Variants in PSMF1 observed in about 807,000 individuals in gnomAD.
PSMF1 encodes the protein proteasome inhibitor subunit 1, also known as proteasome inhibitor PI31 subunit.
In PSMF1, 30 loss-of-function variants were observed where a neutral mutation model predicts 29.3. The ratio of observed to expected loss-of-function variants is 1.02; its 90% CI spans 0.77 to 1.39. PSMF1 has a LOEUF of 1.39. PSMF1 is among the 40% of genes most tolerant of loss of function. The pLI, the probability that PSMF1 is intolerant of heterozygous loss-of-function variation, is 0.00. For synonymous variants in PSMF1, 134 were observed against 139.7 expected (o/e 0.96, Z 0.29); for missense variants, 344 against 357.5 (o/e 0.96, Z 0.31).
chr20:1,160,196 C>G (rs2086649214), intron 4 of PSMF1, among the ~76,000 whole-genome samples: 1 of 152,152 alleles, frequency 6.6e-6, no homozygotes, highest in Non-Finnish European at 1.5e-5. Flanking sequence ...ACCACCACCA[C>G]TACCCTGCAT....
chr20:1,147,311 A>T (rs938379749), intron 4 of PSMF1, among the ~76,000 whole-genome samples: 1 of 152,132 alleles, frequency 6.6e-6, no homozygotes, highest in South Asian at 2.1e-4. Flanking sequence ...TGGCATCCCC[A>T]CTTTACAGGG....
At chr20:1,134,787 A>T (rs1360409871) in intron 3 of PSMF1, 1 of 387,960 alleles carries the variant, frequency 2.6e-6, no homozygotes, top group Non-Finnish European at 5.0e-6. Flanking sequence ...TGAACACACA[A>T]TGAAGCTGAG....
rs575431529 is a variant in PSMF1 at position 1,143,196 on chromosome 20, A to G, written c.551+7890A>G. ...GAAAGGCAAAGAATCTAAGATAGCT[A>G]TAACAATTTTTTAAAAGAATAAAGT... On this transcript the variant is annotated intron_variant, in intron 4 of 6. Coordinates refer to ENST00000335877, the MANE Select transcript of PSMF1 (RefSeq NM_006814.5). 3.3e-5 allele frequency among the ~76,000 whole-genome samples: 5 copies of G among 152,388 alleles called. No individual in the cohort carries two copies. The South Asian group carries it at 6.2e-4, about 19-fold the overall frequency.
chr20:1,128,786 AGT>A (rs2122481643), intron 3 of PSMF1, among the ~76,000 whole-genome samples: 1 of 152,272 alleles, frequency 6.6e-6, no homozygotes, highest in East Asian at 1.9e-4. Flanking sequence ...GCTGGAGTAC[AGT>A]GTGACTGTTC....
chr20:1,155,625 G>A (rs949097367), intron 4 of PSMF1, among the ~76,000 whole-genome samples: 8 of 152,230 alleles, frequency 5.3e-5, no homozygotes, highest in Non-Finnish European at 1.0e-4. Context: ...ACCTGCAGCT[G>A]TACATAAGTG....
rs545700538 is a variant in PSMF1 at position 1,167,161 on chromosome 20, A to G, written c.*2081A>G. 33 of 152,270 alleles carry G rather than the reference A, an allele frequency of 2.2e-4. No homozygotes were observed. In the East Asian group the frequency reaches 5.0e-3, roughly 23 times the overall value. The allele number at this position is 152,270 out of a possible 1,614,324, so 9.4% of individuals were successfully genotyped here. On this transcript the variant is annotated 3_prime_UTR_variant, in exon 7 of 7. Transcript: ENST00000335877. ...ATGGGAGGAAGTGAATAGAGCCTTT[A>G]GGAACTTCCTGGTCAAGCTTATGGT...
chr20:1,139,989 C>T (rs1006816523), intron 4 of PSMF1, among the ~76,000 whole-genome samples: 11 of 152,146 alleles, frequency 7.2e-5, no homozygotes, highest in Admixed American at 2.6e-4. Flanking sequence ...TCTGTGCTCA[C>T]GGCTAGGAAG....
chr20:1,162,612 C>T (rs1294971744), intron 4 of PSMF1, among the ~76,000 whole-genome samples: 1 of 152,074 alleles, frequency 6.6e-6, no homozygotes, highest in Non-Finnish European at 1.5e-5. Context: ...GGCCCTCCTG[C>T]AGGTACAGTG....
intron 4 of PSMF1, among the ~76,000 whole-genome samples, chr20:1,144,562 G>A (rs147380490): frequency 3.3e-5 from 5 of 152,316 alleles, no homozygotes; most frequent in African/African-American, 7.2e-5. Flanking sequence ...TAAAGGAACC[G>A]TGGTTTATCC....
At chr20:1,156,621 GAA>G (rs2086597780) in intron 4 of PSMF1, among the ~76,000 whole-genome samples, 1 of 152,144 alleles carries the variant, frequency 6.6e-6, no homozygotes, top group South Asian at 2.1e-4. Flanking sequence ...AGTATGGAGA[GAA>G]AAAGAATTGT....
At chr20:1,156,782 A>T (rs913616850) in intron 4 of PSMF1, among the ~76,000 whole-genome samples, 1 of 152,228 alleles carries the variant, frequency 6.6e-6, no homozygotes, top group Non-Finnish European at 1.5e-5. Flanking sequence ...TTCCTCAGAC[A>T]GAATGGAGAT....
At chr20:1,146,708 A>C (rs2086454488) in intron 4 of PSMF1, among the ~76,000 whole-genome samples, 1 of 152,220 alleles carries the variant, frequency 6.6e-6, no homozygotes, top group Admixed American at 6.5e-5. Context: ...AAGAATGATC[A>C]GCTGGGTTCA....
intron 4 of PSMF1, among the ~76,000 whole-genome samples, chr20:1,152,082 T>C (rs751834627): frequency 5.2e-4 from 79 of 152,152 alleles, no homozygotes; most frequent in Non-Finnish European, 1.0e-3. Flanking sequence ...TTTTTTTTTT[T>C]CCTCTTGAAG....
chr20:1,157,199 G>A (rs1358906226), intron 4 of PSMF1, among the ~76,000 whole-genome samples: 1 of 152,174 alleles, frequency 6.6e-6, no homozygotes, highest in East Asian at 1.9e-4. Context: ...TTGTGCCCAC[G>A]AGATTAAGGG....
At chr20:1,122,901 G>A (rs1438423432) in intron 1 of PSMF1, among the ~76,000 whole-genome samples, 2 of 152,204 alleles carry the variant, frequency 1.3e-5, no homozygotes, top group African/African-American at 4.8e-5. Flanking sequence ...AACTCTGGTG[G>A]ATTGAATGCT....
upstream of PSMF1, among the ~76,000 whole-genome samples, chr20:1,113,943 A>G (rs1452385911): frequency 6.6e-6 from 1 of 151,944 alleles, no homozygotes; most frequent in Non-Finnish European, 1.5e-5. Context: ...CGCCCGCCTC[A>G]GCCTCCCAAA....
upstream of PSMF1, chr20:1,117,718 T>TG (rs1300981891): frequency 6.6e-6 from 1 of 152,246 alleles, no homozygotes; most frequent in African/African-American, 2.4e-5. Context: ...AGGAATGGAA[T>TG]GGGGCAGTTC....
At position 1,168,590 on chromosome 20, in the gene PSMF1, T is replaced by C. The variant is rs2086757908; in HGVS notation, c.*3510T>C. On this transcript the variant is annotated 3_prime_UTR_variant, in exon 7 of 7. Coordinates refer to ENST00000335877, the MANE Select transcript of PSMF1 (RefSeq NM_006814.5). ...TGAGACTGAAACTCCAAGAATGTAT[T>C]GTGCTCACAGTGGCGATGGTGTTCC... Among the ~76,000 whole-genome samples, 2 of 152,346 alleles carry C rather than the reference T, an allele frequency of 1.3e-5. No homozygotes were observed. The highest frequency in any genetic ancestry group is 4.8e-5 in the African/African-American group (2 of 41,586).
chr20:1,152,770 A>G (rs1377844798), intron 4 of PSMF1, among the ~76,000 whole-genome samples: 4 of 152,178 alleles, frequency 2.6e-5, no homozygotes, highest in African/African-American at 4.8e-5. Flanking sequence ...TATATTTGGA[A>G]GTATACCTGA....
Sources: allele counts gnomAD v4.1 joint callset (sites outside exome capture counted in the v4.1 genomes callset), GRCh38; gene constraint gnomAD v4.1.1; transcripts MANE v1.5; gene names NCBI Gene and HGNC (gene_info 2026-07-23, HGNC 2026-07-21).